Variants in CSNK1G1 observed in about 807,000 individuals in gnomAD.
CSNK1G1 encodes the protein casein kinase I isoform gamma-1.
Under a neutral mutation model 59.6 loss-of-function variants are expected in CSNK1G1, and 22 were observed. The observed-to-expected ratio is 0.37, with a 90% confidence interval of 0.26 to 0.53. CSNK1G1 has a LOEUF of 0.53. CSNK1G1 is among the 20% of genes least tolerant of loss of function. The pLI, the probability that CSNK1G1 is intolerant of heterozygous loss-of-function variation, is 0.89. For synonymous variants in CSNK1G1, 179 were observed against 177.1 expected, an observed-to-expected ratio of 1.01 and a Z score of -0.08; for missense variants, 384 against 519.5, an observed-to-expected ratio of 0.74 and a Z score of 2.54.
intron 2 of CSNK1G1, among the ~76,000 whole-genome samples, chr15:64,277,755 A>C (rs1218142686): frequency 6.1e-5 from 4 of 66,006 alleles, no homozygotes; most frequent in Admixed American, 2.2e-4. Flanking sequence ...ATATTTAATA[A>C]TATAGCAATA....
At chr15:64,310,810 T>C (rs543841255) in intron 1 of CSNK1G1, among the ~76,000 whole-genome samples, 2 of 151,698 alleles carry the variant, frequency 1.3e-5, no homozygotes, top group African/African-American at 2.4e-5. Context: ...ATCGAGACCA[T>C]CCTGGCCAAT....
At chr15:64,291,510 T>C (rs62021624) in intron 2 of CSNK1G1, among the ~76,000 whole-genome samples, 29,686 of 151,986 alleles carry the variant, frequency 0.2, 4,045 homozygotes, top group African/African-American at 0.39. Flanking sequence ...ATTGCTTGAA[T>C]CCAGGAGGTG....
At chr15:64,331,100 C>G (rs1897093044) in intron 1 of CSNK1G1, among the ~76,000 whole-genome samples, 1 of 148,930 alleles carries the variant, frequency 6.7e-6, no homozygotes, top group South Asian at 2.2e-4. Flanking sequence ...GGCCATACTG[C>G]CCAAGGTAAT....
chr15:64,326,797 G>A (rs1488331588), intron 1 of CSNK1G1, among the ~76,000 whole-genome samples: 67 of 151,468 alleles, frequency 4.4e-4, no homozygotes, highest in Admixed American at 2.1e-3. Context: ...CAGACAGTGG[G>A]CGCAGGCCAG....
intron 4 of CSNK1G1, among the ~76,000 whole-genome samples, chr15:64,242,221 A>C (rs1891505078): frequency 6.6e-6 from 1 of 152,224 alleles, no homozygotes; most frequent in South Asian, 2.1e-4. Context: ...ATCAAAGGAA[A>C]GGCCAGAACC....
intron 1 of CSNK1G1, among the ~76,000 whole-genome samples, chr15:64,336,946 G>A (rs942331741): frequency 6.6e-6 from 1 of 151,888 alleles, no homozygotes; most frequent in Admixed American, 6.6e-5. Context: ...AGCAGAACTC[G>A]GCCGGGCGCA....
chr15:64,208,282 C>T lies in CSNK1G1; in HGVS notation c.680-688G>A, dbSNP rs1165977690. On this transcript the variant is annotated intron_variant, in intron 6 of 11. Coordinates refer to ENST00000303052, the MANE Select transcript of CSNK1G1 (RefSeq NM_022048.5). ...AGAGGCTGACGTGAGAGGATCGCTT[C>T]GGCCCAGGAGTTCGAGATAAGCCTG... Among the ~76,000 whole-genome samples, 6 of 152,242 alleles carry T rather than the reference C, an allele frequency of 3.9e-5. No individual in the cohort carries two copies. The East Asian group carries it at 5.8e-4, about 15-fold the overall frequency.
intron 7 of CSNK1G1, 51 bp downstream of exon 7, chr15:64,207,458 T>G: frequency 7.3e-7 from 1 of 1,366,592 alleles, no homozygotes; most frequent in Non-Finnish European, 1.0e-6. Context: ...GCTCCTTCAT[T>G]AACAACTGAG....
At chr15:64,206,874 G>C (rs1009335728) in intron 7 of CSNK1G1, among the ~76,000 whole-genome samples, 1 of 152,148 alleles carries the variant, frequency 6.6e-6, no homozygotes, top group Non-Finnish European at 1.5e-5. Flanking sequence ...TTTTAGTTCA[G>C]GTGAGTTCTT....
In CSNK1G1 at chr15:64,216,691, AT is replaced by A. The variant is rs1390313170; in HGVS notation, c.314del (p.Tyr105PhefsTer34). On this transcript the variant is annotated frameshift_variant, in exon 5 of 12. Coordinates refer to ENST00000303052, the MANE Select transcript of CSNK1G1 (RefSeq NM_022048.5). LOFTEE classifies it high-confidence loss of function. This position sits in a 1 kb window ranked among gnomAD's most constrained non-coding sequence, Gnocchi z 4.6. ...GSAGEGLPQV[Y>X]YFGPCGKYNA... is the part of the protein sequence containing the mutation. ...TATATTTCCCACATGGTCCAAAGTA[AT>A]ACACCTGTGGGAGACCTTCACCTGA... 6.2e-7 allele frequency: 1 copy of A among 1,614,144 alleles called. No individual in the cohort carries two copies. Among genetic ancestry groups the A allele is most frequent in the East Asian group, 2.2e-5 (1 of 44,882 alleles).
chr15:64,200,993 C>T lies in CSNK1G1; in HGVS notation c.1107+2089G>A, dbSNP rs750883169. Among the ~76,000 whole-genome samples, 12 of 152,038 alleles carry T rather than the reference C, an allele frequency of 7.9e-5. No individual in the cohort carries two copies. Among genetic ancestry groups the T allele is most frequent in the Non-Finnish European group, 1.5e-4 (10 of 67,992 alleles). ...TAACTTGATCAAATTGCTTTCTAGCCAGGCACAGTGGCTCACGCCTGTAAT... is the reference window on the plus strand; with the variant it reads ...TAACTTGATCAAATTGCTTTCTAGCTAGGCACAGTGGCTCACGCCTGTAAT... On this transcript the variant is annotated intron_variant, in intron 10 of 11. Coordinates refer to ENST00000303052, the MANE Select transcript of CSNK1G1 (RefSeq NM_022048.5). This position sits in a 1 kb window ranked among gnomAD's most constrained non-coding sequence, Gnocchi z 4.3.
intron 1 of CSNK1G1, among the ~76,000 whole-genome samples, chr15:64,317,969 A>C (rs1896362815): frequency 6.6e-6 from 1 of 152,172 alleles, no homozygotes; most frequent in African/African-American, 2.4e-5. Flanking sequence ...CTAGGGGCTT[A>C]AGCAACTGCT....
chr15:64,262,477 G>A (rs913891182), intron 2 of CSNK1G1, among the ~76,000 whole-genome samples: 1 of 152,206 alleles, frequency 6.6e-6, no homozygotes, highest in African/African-American at 2.4e-5. Context: ...TGCACAGGAT[G>A]TGATATACTG....
At chr15:64,354,406 C>T (rs1233040129) in intron 1 of CSNK1G1, among the ~76,000 whole-genome samples, 2 of 152,160 alleles carry the variant, frequency 1.3e-5, no homozygotes, top group Non-Finnish European at 2.9e-5. Context: ...ACATACATTA[C>T]TTTTTCATGT....
intron 2 of CSNK1G1, among the ~76,000 whole-genome samples, chr15:64,287,689 C>T (rs1036384877): frequency 1.3e-5 from 2 of 152,172 alleles, no homozygotes; most frequent in South Asian, 4.1e-4. Context: ...GATCCATTAA[C>T]TCATTCTCTT....
rs1331898097 is a variant in CSNK1G1, at chr15:64,188,569, C to T, written c.1108-8115G>A. 8 of 992,428 alleles carry T rather than the reference C, an allele frequency of 8.1e-6. No individual in the cohort carries two copies. Among genetic ancestry groups the T allele is most frequent in the Non-Finnish European group, 1.1e-5 (7 of 663,892 alleles). The allele number at this position is 992,428 out of a possible 1,614,324, so 61.5% of individuals were successfully genotyped here. A position where few individuals can be genotyped will look rare whatever the true frequency, so the allele number is the denominator to read the frequency against. ...AAGCAATAACAAAATCAAGTACATT[C>T]GTGTCCCTGTAGGTTTTTCTTTCGG... is the stretch of plus-strand genomic sequence containing the variant. On this transcript the variant is annotated intron_variant, in intron 10 of 11. Transcript: ENST00000303052. The surrounding 1 kb of genome is among the most constrained non-coding windows in gnomAD (Gnocchi z 4.2).
At chr15:64,270,488 A>G (rs552144001) in intron 2 of CSNK1G1, among the ~76,000 whole-genome samples, 2 of 152,144 alleles carry the variant, frequency 1.3e-5, no homozygotes, top group African/African-American at 2.4e-5. Flanking sequence ...GGCCGGGCGC[A>G]GTGGCTCACG....
At position 64,206,207 on chromosome 15, in the gene CSNK1G1, C is replaced by T. The variant is rs368108659; in HGVS notation, c.766-1258G>A. ...CTGTAATCCCAGCACTTTGGGAGGCCGAGGCAGGCGGATCACAAGGTCAGG... is the reference window on the plus strand; with the variant it reads ...CTGTAATCCCAGCACTTTGGGAGGCTGAGGCAGGCGGATCACAAGGTCAGG... On this transcript the variant is annotated intron_variant, in intron 7 of 11. Transcript: ENST00000303052. Among the ~76,000 whole-genome samples the T allele has an allele frequency of 7.0e-4, 106 of 151,864 alleles. No individual in the cohort carries two copies. The South Asian group carries it at 0.022, about 31-fold the overall frequency.
chr15:64,305,279 A>T (rs1596251174), intron 1 of CSNK1G1, among the ~76,000 whole-genome samples: 1 of 152,306 alleles, frequency 6.6e-6, no homozygotes, highest in South Asian at 2.1e-4. Flanking sequence ...AGCAAACATT[A>T]AGCAAAAATG....
Sources: gnomAD v4.1 joint callset for allele counts (sites outside exome capture counted in the v4.1 genomes callset) on GRCh38, gnomAD v4.1.1 for gene constraint, Gnocchi (gnomAD v3.1) non-coding constraint, MANE v1.5 for transcripts, NCBI Gene and HGNC (gene_info 2026-07-23, HGNC 2026-07-21) for gene names.